Variants in EZR observed in about 807,000 individuals in gnomAD.
EZR encodes the protein ezrin.
Under a neutral mutation model 74.8 loss-of-function variants are expected in EZR, and 40 were observed. That is an observed-to-expected ratio of 0.53 (90% CI 0.42 to 0.70). The LOEUF (loss-of-function observed/expected upper bound fraction) is 0.70. EZR is among the 30% of genes least tolerant of loss of function. The probability of loss-of-function intolerance (pLI) is 0.00; values close to 1 mark genes in which losing one functional copy is unlikely to be tolerated. For missense variants in EZR, 678 were observed against 755.8 expected (o/e 0.90, Z 1.21); for synonymous variants, 341 against 283.3 (o/e 1.20, Z -2.05).
Position 158,785,303 on chromosome 6 carries a change from G to T in EZR, c.467+6C>A. The T allele has an allele frequency of 6.2e-7, 1 of 1,613,204 alleles. No homozygotes were observed. The highest frequency in any genetic ancestry group is 8.5e-7 in the Non-Finnish European group (1 of 1,179,628). Reference sequence around the variant, plus strand: ...TCCTGCCCAGGCCGGGTCATCCTGTGCTCACCTTTGAGGGATCAGCCGCTC... The same window carrying T: ...TCCTGCCCAGGCCGGGTCATCCTGTTCTCACCTTTGAGGGATCAGCCGCTC... On this transcript the variant is annotated splice_donor_region_variant and intron_variant, in intron 5 of 13. Transcript: ENST00000367075.
At position 158,794,138 on chromosome 6, in the gene EZR, G is replaced by A. The variant is rs560824801; in HGVS notation, c.13-4767C>T. ...CTAAAAATACAAAAATTAGCCGGGCGTGGTACCACGTGCCCATACATAGTC... is the reference window on the plus strand; with the variant it reads ...CTAAAAATACAAAAATTAGCCGGGCATGGTACCACGTGCCCATACATAGTC... On this transcript the variant is annotated intron_variant, in intron 2 of 13. Transcript: ENST00000367075. Among the ~76,000 whole-genome samples the A allele has an allele frequency of 1.5e-3, 234 of 152,296 alleles. 1 individual carries two copies. The highest frequency in any genetic ancestry group is 5.3e-3 in the African/African-American group (219 of 41,564).
chr6:158,818,015 G>T, intron 2 of EZR, 67 bp downstream of exon 2: 1 of 1,535,508 alleles, frequency 6.5e-7, no homozygotes, highest in Non-Finnish European at 8.9e-7. Context: ...CCAACACCTC[G>T]AGCAGGTGCC....
At chr6:158,781,322 A>T (rs1791426419) in intron 7 of EZR, among the ~76,000 whole-genome samples, 1 of 152,154 alleles carries the variant, frequency 6.6e-6, no homozygotes, top group East Asian at 1.9e-4. Context: ...GGGAGAAGAG[A>T]GGCAGAAAGT....
chr6:158,787,601 G>A (rs1444816393), intron 3 of EZR, among the ~76,000 whole-genome samples: 1 of 152,178 alleles, frequency 6.6e-6, no homozygotes, highest in Non-Finnish European at 1.5e-5. Flanking sequence ...TGCCGGTCAG[G>A]TGTGCTCATG....
chr6:158,809,313 T>A lies in EZR; in HGVS notation c.12+8769A>T, dbSNP rs867826993. Among the ~76,000 whole-genome samples, 17 of 152,340 alleles carry A rather than the reference T, an allele frequency of 1.1e-4. No individual in the cohort carries two copies. The Middle Eastern group carries it at 0.01, about 91-fold the overall frequency. On this transcript the variant is annotated intron_variant, in intron 2 of 13. Coordinates refer to ENST00000367075, the MANE Select transcript of EZR (RefSeq NM_001111077.2). ...TGCAGTCAGAAATTCACATACAGAC[T>A]ATAGTAGATCAAAAGCTCATTTTAA...
chr6:158,767,405 A>C lies in EZR; in HGVS notation c.1452T>G (p.His484Gln), dbSNP rs773159233. Residue 484 changes from histidine (H) to glutamine (Q), a missense_variant, in exon 13 of 14, where the codon CAT becomes CAG. By Grantham distance (24) the His-to-Gln change is conservative. Transcript: ENST00000367075. The stretch of plus-strand genomic sequence containing the variant: ...CCTCATCCTGCAAGCTCTCCTGGAC[A>C]TGGTAGCTCACCGGCTCGTACACGG... The part of the protein sequence containing the change: ...PPPVYEPVSY[H>Q]VQESLQDEGA... 1 of 1,408,746 alleles carries C rather than the reference A, an allele frequency of 7.1e-7. No individual in the cohort carries two copies. The allele number at this position is 1,408,746 out of a possible 1,614,324, so 87.3% of individuals were successfully genotyped here.
At chr6:158,819,051 G>A (rs1238592459) in intron 1 of EZR, among the ~76,000 whole-genome samples, 3 of 152,262 alleles carry the variant, frequency 2.0e-5, no homozygotes, top group Non-Finnish European at 4.4e-5. Context: ...CAACCGCTCG[G>A]GAGCCGCCGA....
At position 158,767,386 on chromosome 6, in the gene EZR, C is replaced by T. The variant is rs1790921057; in HGVS notation, c.1471G>A (p.Asp491Asn). Reference sequence around the variant, plus strand: ...TAGCCCGTGGGCTCTGCGCCCTCATCCTGCAAGCTCTCCTGGACATGGTAG... The same window carrying T: ...TAGCCCGTGGGCTCTGCGCCCTCATTCTGCAAGCTCTCCTGGACATGGTAG... ...VSYHVQESLQ[D>N]EGAEPTGYSA... The change falls in exon 13 of 14, where the codon GAT becomes AAT. Residue 491 changes from aspartate (D) to asparagine (N), a missense_variant. By Grantham distance (23) the Asp-to-Asn change is conservative. Around this residue, in one of 3 missense-constraint regions of EZR, gnomAD observed 342 missense variants for 341.2 expected, o/e 1.00. Transcript: ENST00000367075. 4 of 1,614,110 alleles carry T rather than the reference C, an allele frequency of 2.5e-6. No homozygotes were observed. The East Asian group carries it at 8.9e-5, about 36-fold the overall frequency.
chr6:158,768,708 T>C (rs1790997940), intron 12 of EZR, among the ~76,000 whole-genome samples: 1 of 152,200 alleles, frequency 6.6e-6, no homozygotes. Context: ...TACAGCTGAC[T>C]AAACCTCTGT....
At chr6:158,772,806 C>A (rs1381280442) in intron 8 of EZR, among the ~76,000 whole-genome samples, 1 of 152,198 alleles carries the variant, frequency 6.6e-6, no homozygotes, top group African/African-American at 2.4e-5. Context: ...AACAAAAAAA[C>A]AGTGCGATAT....
In EZR at chr6:158,769,267, G is replaced by A. The variant is rs567601039; in HGVS notation, c.1344+59C>T. The A allele has an allele frequency of 6.9e-5, 103 of 1,494,354 alleles. 3 individuals are homozygous for A. The South Asian group carries it at 9.0e-4, about 13-fold the overall frequency. The allele number at this position is 1,494,354 out of a possible 1,614,324, so 92.6% of individuals were successfully genotyped here. A position where few individuals can be genotyped will look rare whatever the true frequency, so the allele number is the denominator to read the frequency against. ...CACCCACCTGCAGAAGGGCCCCACC[G>A]CAGGCAATTGGGCAACAGGTGCTGT... On this transcript the variant is annotated intron_variant, in intron 12 of 13. Transcript: ENST00000367075.
intron 2 of EZR, among the ~76,000 whole-genome samples, chr6:158,816,790 G>A (rs934891040): frequency 1.3e-5 from 2 of 152,102 alleles, no homozygotes; most frequent in Non-Finnish European, 2.9e-5. Context: ...AAATGTAACA[G>A]AAGAAGCACA....
In EZR at chr6:158,787,133, G is replaced by C. The variant is rs894935280; in HGVS notation, c.167C>G (p.Pro56Arg). The C allele has an allele frequency of 6.2e-7, 1 of 1,613,528 alleles. No individual in the cohort carries two copies. The highest frequency in any genetic ancestry group is 1.3e-5 in the African/African-American group (1 of 75,038). The change falls in exon 4 of 14, where the codon CCT becomes CGT. Residue 56 changes from proline (P) to arginine (R), a missense_variant. By Grantham distance (103) the Pro-to-Arg change is moderately radical. Transcript: ENST00000367075. ...GLHYVDNKGF[P>R]TWLKLDKKVS... ...CTTCTTATCCAGCTTCAGCCAGGTA[G>C]GAAATCCTTTATTATCCACATAGTG...
intron 2 of EZR, among the ~76,000 whole-genome samples, chr6:158,797,290 A>C (rs1777093920): frequency 6.6e-6 from 1 of 152,234 alleles, no homozygotes; most frequent in African/African-American, 2.4e-5. Flanking sequence ...AGAACACTGC[A>C]GGAAAAAAGT....
chr6:158,787,610 T>C (rs1791618822), intron 3 of EZR, among the ~76,000 whole-genome samples: 1 of 152,176 alleles, frequency 6.6e-6, no homozygotes, highest in African/African-American at 2.4e-5. Context: ...GGTGTGCTCA[T>C]GCAGAAGACT....
Position 158,767,007 on chromosome 6 carries a change from C to G in EZR, c.1668G>C (p.Glu556Asp). 6.2e-7 allele frequency: 1 copy of G among 1,614,230 alleles called. No homozygotes were observed. Among genetic ancestry groups the G allele is most frequent in the Non-Finnish European group, 8.5e-7 (1 of 1,180,040 alleles). ...KRTHNDIIHN[E>D]NMRQGRDKYK... ...ACTTGTCCCGGCCTTGCCTCATGTT[C>G]TCGTTGTGGATGATGTCATTGTGGG... The change falls in exon 14 of 14, where the codon GAG becomes GAC. Residue 556 changes from glutamate (E) to aspartate (D), a missense_variant. By Grantham distance (45) the Glu-to-Asp change is conservative. This residue lies in a region of EZR where 342 missense variants were observed against 341.2 expected (regional missense o/e 1.00). Coordinates refer to ENST00000367075, the MANE Select transcript of EZR (RefSeq NM_001111077.2).
At chr6:158,805,305 C>T (rs976698907) in intron 2 of EZR, among the ~76,000 whole-genome samples, 2 of 143,638 alleles carry the variant, frequency 1.4e-5, no homozygotes, top group African/African-American at 2.7e-5. Context: ...CGCCACTGCA[C>T]TCCCAGCCTG....
chr6:158,770,831 C>T lies in EZR; in HGVS notation c.1023G>A (p.Met341Ile). The part of the protein sequence containing the change: ...ETVEREKEQM[M>I]REKEELMLRL... ...GCAGCATCAACTCCTCCTTCTCGCG[C>T]ATCATCTGCTCTTTCTCTCTCTCCA... is the stretch of plus-strand genomic sequence containing the variant. The change falls in exon 10 of 14, where the codon ATG (methionine) becomes ATA (isoleucine). Residue 341 changes from methionine (M) to isoleucine (I), a missense_variant. Coordinates refer to ENST00000367075, the MANE Select transcript of EZR (RefSeq NM_001111077.2). 6.2e-7 allele frequency: 1 copy of T among 1,614,244 alleles called. No individual in the cohort carries two copies. The highest frequency in any genetic ancestry group is 8.5e-7 in the Non-Finnish European group (1 of 1,180,044).
rs1360263899 is a variant in EZR at position 158,784,646 on chromosome 6, G to A, written c.549C>T (p.Leu183=). ...QVWHAEHRGM[L]KDNAMLEYLK... The stretch of plus-strand genomic sequence containing the variant: ...CAACAGCAGGGCACAGCACTCACTT[G>A]AGCATCCCACGGTGTTCCGCATGCC... Residue 183 remains leucine, a splice_region_variant and synonymous_variant, in exon 6 of 14, where the codon CTC becomes CTT. Transcript: ENST00000367075. The A allele has an allele frequency of 1.2e-6, 2 of 1,613,760 alleles. No individual in the cohort carries two copies. Among genetic ancestry groups the A allele is most frequent in the Non-Finnish European group, 1.7e-6 (2 of 1,179,770 alleles).
Sources: allele counts gnomAD v4.1 joint callset (sites outside exome capture counted in the v4.1 genomes callset), GRCh38; gene constraint gnomAD v4.1.1; regional missense constraint gnomAD v4.1.1; transcripts MANE v1.5; gene names NCBI Gene and HGNC (gene_info 2026-07-23, HGNC 2026-07-21).